ZPBP: variants seen among roughly 807,000 people sequenced by gnomAD.
ZPBP encodes the protein zona pellucida binding protein.
Under a neutral mutation model 44.8 loss-of-function variants are expected in ZPBP, and 26 were observed. The ratio of observed to expected loss-of-function variants is 0.58; its 90% CI spans 0.43 to 0.81. The LOEUF (loss-of-function observed/expected upper bound fraction) is 0.81. Ranked by LOEUF, ZPBP falls within the 30% of genes least tolerant of loss-of-function variation. The probability of loss-of-function intolerance (pLI) is 0.00; values close to 1 mark genes in which losing one functional copy is unlikely to be tolerated. For synonymous variants in ZPBP, 174 were observed against 153.2 expected (o/e 1.14, Z -1.00); for missense variants, 409 against 434.0 (o/e 0.94, Z 0.51).
At chr7:49,917,267 T>G (rs1466532496) in intron 1 of ZPBP, 1 of 152,212 alleles carries the variant, frequency 6.6e-6, no homozygotes, top group African/African-American at 2.4e-5. Context: ...AATTTCACTT[T>G]AAATTTTGCA....
intron 7 of ZPBP, among the ~76,000 whole-genome samples, chr7:49,938,257 C>T (rs569435781): frequency 5.7e-4 from 86 of 152,164 alleles, no homozygotes; most frequent in African/African-American, 1.9e-3. Flanking sequence ...CTAATAATCT[C>T]CTGATTTCAA....
chr7:50,048,896 C>A (rs1428391277), intron 4 of ZPBP, among the ~76,000 whole-genome samples: 1 of 151,754 alleles, frequency 6.6e-6, no homozygotes, highest in Admixed American at 6.6e-5. Context: ...AAACCAAGAC[C>A]AGTTTTTTAA....
At chr7:49,872,452 G>C (rs1791197041) in intron 2 of ZPBP, among the ~76,000 whole-genome samples, 1 of 151,960 alleles carries the variant, frequency 6.6e-6, no homozygotes, top group Admixed American at 6.6e-5. Context: ...ATCCTAGGTG[G>C]TTTAAAACTC....
downstream of ZPBP, among the ~76,000 whole-genome samples, chr7:49,849,862 A>G (rs10246182): frequency 4.5e-3 from 691 of 152,344 alleles, 4 homozygotes; most frequent in African/African-American, 0.016. Flanking sequence ...AGCCTCATAT[A>G]GTGGGACTGA....
chr7:49,992,974 T>G (rs1256332096), intron 6 of ZPBP, among the ~76,000 whole-genome samples: 1 of 152,092 alleles, frequency 6.6e-6, no homozygotes, highest in East Asian at 1.9e-4. Flanking sequence ...TACTAGAAAC[T>G]AAAACAGTGA....
chr7:49,919,532 A>G (rs1442282954), intron 1 of ZPBP: 1 of 152,202 alleles, frequency 6.6e-6, no homozygotes. Context: ...ACTCTGCAGT[A>G]TACCCTGGTT....
chr7:49,890,316 T>C (rs899369346), intron 2 of ZPBP, among the ~76,000 whole-genome samples: 1 of 152,174 alleles, frequency 6.6e-6, no homozygotes, highest in African/African-American at 2.4e-5. Flanking sequence ...ACATGCAAAA[T>C]TGTATTTAAT....
intron 3 of ZPBP, among the ~76,000 whole-genome samples, chr7:50,066,016 A>G (rs1801483933): frequency 6.6e-6 from 1 of 151,154 alleles, no homozygotes; most frequent in African/African-American, 2.4e-5. Flanking sequence ...TTTCCTGAAT[A>G]TAAGTGTTGG....
At chr7:50,092,887 C>T (rs1213519096) in intron 1 of ZPBP, 181 bp downstream of exon 1, 5 of 906,556 alleles carry the variant, frequency 5.5e-6, no homozygotes, top group East Asian at 3.0e-5. Flanking sequence ...ATTCACTCCT[C>T]TATGCAAATG....
At chr7:50,043,908 T>C (rs967675998) in intron 4 of ZPBP, among the ~76,000 whole-genome samples, 1 of 152,182 alleles carries the variant, frequency 6.6e-6, no homozygotes, top group African/African-American at 2.4e-5. Flanking sequence ...GACCATATAA[T>C]TGGAAGTAAA....
At chr7:49,941,535 G>A (rs1183976722) in intron 7 of ZPBP, among the ~76,000 whole-genome samples, 1 of 152,072 alleles carries the variant, frequency 6.6e-6, no homozygotes, top group African/African-American at 2.4e-5. Flanking sequence ...TAGGAAAATA[G>A]TTCCATTTAA....
chr7:49,899,079 A>G (rs1792561959), intron 2 of ZPBP, among the ~76,000 whole-genome samples: 1 of 152,050 alleles, frequency 6.6e-6, no homozygotes, highest in South Asian at 2.1e-4. Context: ...ACAACACACC[A>G]CTATTTGTTG....
At position 50,023,166 on chromosome 7, in the gene ZPBP, A is replaced by C. The variant is rs572333147; in HGVS notation, c.707-4850T>G. Reference sequence around the variant, plus strand: ...TACCAGAGTCTCAATGACCTGGCGGAAGGGAAATACCAAATTCAAACCCCC... The same window carrying C: ...TACCAGAGTCTCAATGACCTGGCGGCAGGGAAATACCAAATTCAAACCCCC... On this transcript the variant is annotated intron_variant, in intron 5 of 7. Coordinates refer to ENST00000046087, the MANE Select transcript of ZPBP (RefSeq NM_007009.3). Among the ~76,000 whole-genome samples, 263 of 152,168 alleles carry C rather than the reference A, an allele frequency of 1.7e-3. 3 individuals are homozygous for C. Among genetic ancestry groups the C allele is most frequent in the African/African-American group, 5.9e-3 (246 of 41,508 alleles).
chr7:50,072,588 G>A (rs1801900578), intron 3 of ZPBP, among the ~76,000 whole-genome samples: 1 of 152,176 alleles, frequency 6.6e-6, no homozygotes, highest in Admixed American at 6.5e-5. Flanking sequence ...TAGCCACAGG[G>A]ATGCTATTGT....
chr7:49,952,158 A>G (rs1464362050), intron 7 of ZPBP, among the ~76,000 whole-genome samples: 1 of 151,918 alleles, frequency 6.6e-6, no homozygotes, highest in East Asian at 1.9e-4. Context: ...TTTGCAAAAC[A>G]TTGTGATTGT....
intron 7 of ZPBP, among the ~76,000 whole-genome samples, chr7:49,967,738 G>T (rs1278623993): frequency 6.6e-6 from 1 of 152,088 alleles, no homozygotes; most frequent in Non-Finnish European, 1.5e-5. Flanking sequence ...TAGAGATGGG[G>T]TTTCTCCATG....
chr7:49,940,713 C>G (rs1794840068), intron 7 of ZPBP: 1 of 973,224 alleles, frequency 1.0e-6, no homozygotes, highest in Non-Finnish European at 1.2e-6. Flanking sequence ...CATTTTTACT[C>G]ACCACTGTCC....
At chr7:50,054,231 C>T (rs1463073440) in intron 4 of ZPBP, among the ~76,000 whole-genome samples, 1 of 151,524 alleles carries the variant, frequency 6.6e-6, no homozygotes, top group South Asian at 2.1e-4. Context: ...AGCAAAACAA[C>T]TCAGAGAATT....
intron 1 of ZPBP, among the ~76,000 whole-genome samples, chr7:49,908,858 TAA>T (rs1467868682): frequency 3.3e-5 from 5 of 152,198 alleles, no homozygotes; most frequent in African/African-American, 1.2e-4. Context: ...TCAAAAAGAA[TAA>T]AGACTTCAAT....
Sources: gnomAD v4.1 joint callset for allele counts (sites outside exome capture counted in the v4.1 genomes callset) on GRCh38, gnomAD v4.1.1 for gene constraint, MANE v1.5 for transcripts, NCBI Gene and HGNC (gene_info 2026-07-23, HGNC 2026-07-21) for gene names.